NELL1: variants seen among roughly 807,000 people sequenced by gnomAD.
The protein encoded by NELL1 is protein kinase C-binding protein NELL1.
NELL1 carries 76 observed loss-of-function variants against 107.4 expected under a neutral mutation model. The ratio of observed to expected loss-of-function variants is 0.71; its 90% CI spans 0.59 to 0.86. The LOEUF (loss-of-function observed/expected upper bound fraction) is 0.86, where lower values mean the gene tolerates loss of function less well. Ranked by LOEUF, NELL1 falls within the 40% of genes least tolerant of loss-of-function variation. The pLI is 0.00. For missense variants in NELL1, 1,024 were observed against 1,005.5 expected (o/e 1.02, Z -0.25); for synonymous variants, 353 against 341.2 (o/e 1.03, Z -0.38).
At chr11:20,912,126 G>C (rs995194725) in intron 5 of NELL1, among the ~76,000 whole-genome samples, 4 of 152,222 alleles carry the variant, frequency 2.6e-5, no homozygotes, top group Admixed American at 2.6e-4. Flanking sequence ...TGCCTTTATA[G>C]GCAAAGTAAA....
chr11:21,494,979 T>C (rs1854939072), intron 15 of NELL1, among the ~76,000 whole-genome samples: 1 of 152,134 alleles, frequency 6.6e-6, no homozygotes, highest in Non-Finnish European at 1.5e-5. Context: ...GGTATTCTTC[T>C]GTTTAAAAAC....
chr11:20,825,057 TGCA>T (rs1460596694), intron 3 of NELL1, among the ~76,000 whole-genome samples: 1 of 151,282 alleles, frequency 6.6e-6, no homozygotes, highest in Admixed American at 6.6e-5. Flanking sequence ...CTTCAGAGGG[TGCA>T]AGCCCCAAGT....
intron 5 of NELL1, among the ~76,000 whole-genome samples, chr11:20,910,551 G>C (rs563728883): frequency 3.3e-5 from 5 of 152,352 alleles, no homozygotes; most frequent in African/African-American, 1.2e-4. Flanking sequence ...CAGTCCCAGG[G>C]GGGCCGTGCT....
At chr11:20,977,563 TG>T (rs1851664251) in intron 12 of NELL1, among the ~76,000 whole-genome samples, 1 of 152,184 alleles carries the variant, frequency 6.6e-6, no homozygotes, top group Non-Finnish European at 1.5e-5. Flanking sequence ...TGCACCCGGC[TG>T]GCAAATTAAA....
chr11:21,399,942 T>C (rs144144982), intron 15 of NELL1, among the ~76,000 whole-genome samples: 2,222 of 151,958 alleles, frequency 0.015, 30 homozygotes, highest in South Asian at 0.05. Flanking sequence ...CGATTTTTCC[T>C]CCTAGCTACT....
intron 15 of NELL1, among the ~76,000 whole-genome samples, chr11:21,373,470 T>A (rs1304698585): frequency 6.6e-6 from 1 of 152,144 alleles, no homozygotes; most frequent in East Asian, 1.9e-4. Context: ...TAAGACTAAG[T>A]AAATGGTCCC....
chr11:21,113,849 C>A (rs1480148242), intron 13 of NELL1, 135 bp downstream of exon 13: 2 of 854,102 alleles, frequency 2.3e-6, no homozygotes, highest in Admixed American at 3.2e-5. Flanking sequence ...CTTCACCCCA[C>A]CTTTTGAGAA....
At chr11:21,225,978 A>G (rs1326673303) in intron 13 of NELL1, among the ~76,000 whole-genome samples, 1 of 152,202 alleles carries the variant, frequency 6.6e-6, no homozygotes, top group Non-Finnish European at 1.5e-5. Flanking sequence ...TTGGCAAACC[A>G]GGATCTTCTA....
intron 14 of NELL1, among the ~76,000 whole-genome samples, chr11:21,275,984 C>G (rs1848848103): frequency 6.6e-6 from 1 of 152,104 alleles, no homozygotes; most frequent in African/African-American, 2.4e-5. Context: ...CCTTTGAAAA[C>G]TGGCACAAGA....
At chr11:21,397,777 G>T (rs1852013586) in intron 15 of NELL1, among the ~76,000 whole-genome samples, 1 of 151,564 alleles carries the variant, frequency 6.6e-6, no homozygotes. Context: ...AAGTGAATAG[G>T]TCACTTTTGG....
intron 15 of NELL1, among the ~76,000 whole-genome samples, chr11:21,458,961 A>G (rs1853824689): frequency 6.6e-6 from 1 of 151,980 alleles, no homozygotes; most frequent in Non-Finnish European, 1.5e-5. Flanking sequence ...TTTTTATTCC[A>G]TGTTTTTAAT....
In NELL1 at chr11:21,184,067, G is replaced by A. The variant is rs1053637292; in HGVS notation, c.1427-45265G>A. ...GTAGCACCATTCCTAAACCAGGAACGTGTGACTGGGAACCCCAAGTTGGCT... is the reference window on the plus strand; with the variant it reads ...GTAGCACCATTCCTAAACCAGGAACATGTGACTGGGAACCCCAAGTTGGCT... On this transcript the variant is annotated intron_variant, in intron 13 of 19. Transcript: ENST00000357134. 1.3e-5 allele frequency among the ~76,000 whole-genome samples: 2 copies of A among 151,782 alleles called. 1 individual carries two copies. The highest frequency in any genetic ancestry group is 4.9e-5 in the African/African-American group (2 of 41,052).
chr11:21,086,282 C>G (rs911791923), intron 12 of NELL1, among the ~76,000 whole-genome samples: 1 of 151,900 alleles, frequency 6.6e-6, no homozygotes, highest in Non-Finnish European at 1.5e-5. Context: ...TTTTCAGCCT[C>G]TTGATTTTCA....
chr11:20,718,351 T>G (rs1855301147), intron 2 of NELL1, among the ~76,000 whole-genome samples: 2 of 152,106 alleles, frequency 1.3e-5, no homozygotes, highest in Non-Finnish European at 2.9e-5. Flanking sequence ...GGTAGTGCCA[T>G]TCTAGAAAAA....
chr11:21,182,523 AATT>A lies in NELL1; in HGVS notation c.1427-46805_1427-46803del, dbSNP rs1308419071. ...TCAGTCAGGAGACAGTAACCACACA[AATT>A]ATTTTATAAGAGAGAATTTAATATA... On this transcript the variant is annotated intron_variant, in intron 13 of 19. Transcript: ENST00000357134. Among the ~76,000 whole-genome samples, 2 of 151,814 alleles carry A rather than the reference AATT, an allele frequency of 1.3e-5. 1 individual carries two copies. Among genetic ancestry groups the A allele is most frequent in the African/African-American group, 4.9e-5 (2 of 41,118 alleles).
At chr11:21,025,359 G>A (rs1028190420) in intron 12 of NELL1, among the ~76,000 whole-genome samples, 3 of 151,960 alleles carry the variant, frequency 2.0e-5, no homozygotes, top group African/African-American at 7.2e-5. Flanking sequence ...GGGACAGCAA[G>A]GTTAAGTAAC....
chr11:20,853,392 T>C (rs1473908644), intron 4 of NELL1, among the ~76,000 whole-genome samples: 5 of 152,238 alleles, frequency 3.3e-5, no homozygotes, highest in Non-Finnish European at 7.3e-5. Context: ...TATGTAACGA[T>C]GCAGGAGTGT....
chr11:21,113,817 T>A, intron 13 of NELL1, 103 bp downstream of exon 13: 6 of 1,181,460 alleles, frequency 5.1e-6, no homozygotes, highest in Non-Finnish European at 5.8e-6. Context: ...TATTTTTATC[T>A]AAATAGTTCT....
intron 4 of NELL1, 22 bp from the exon 5 acceptor site, chr11:20,885,422 A>G (rs1473783874): frequency 6.8e-7 from 1 of 1,472,028 alleles, no homozygotes; most frequent in African/African-American, 1.4e-5. Flanking sequence ...TCTATTAGTA[A>G]CTGTGTTCTT....
Sources: allele counts gnomAD v4.1 joint callset (sites outside exome capture counted in the v4.1 genomes callset), GRCh38; gene constraint gnomAD v4.1.1; transcripts MANE v1.5; gene names NCBI Gene and HGNC (gene_info 2026-07-23, HGNC 2026-07-21).